The following PPP1R15B variants were observed in gnomAD, a reference collection of about 807,000 sequenced individuals.
PPP1R15B encodes protein phosphatase 1 regulatory subunit 15B, also known as protein phosphatase 1, regulatory (inhibitor) subunit 15B.
PPP1R15B carries 31 observed loss-of-function variants against 53.9 expected under a neutral mutation model. The ratio of observed to expected loss-of-function variants is 0.58; its 90% CI spans 0.43 to 0.78. The LOEUF is 0.78. Ranked by LOEUF, PPP1R15B falls within the 30% of genes least tolerant of loss-of-function variation. PPP1R15B has a pLI of 0.00. For missense variants in PPP1R15B, 928 were observed against 849.6 expected, an observed-to-expected ratio of 1.09 and a Z score of -1.15; for synonymous variants, 345 against 329.1, an observed-to-expected ratio of 1.05 and a Z score of -0.52.
At position 204,406,153 on chromosome 1, in the gene PPP1R15B, C is replaced by G; in HGVS notation, c.2081G>C (p.Arg694Thr). 3 of 1,614,148 alleles carry G rather than the reference C, an allele frequency of 1.9e-6. No homozygotes were observed. The South Asian group carries it at 3.3e-5, about 18-fold the overall frequency. Residue 694 changes from arginine (R) to threonine (T), a missense_variant, in exon 2 of 2, where the codon AGA becomes ACA. Coordinates refer to ENST00000367188, the MANE Select transcript of PPP1R15B (RefSeq NM_032833.5). ...GYCLTFEHRE[R>T]MFNRLQGTCF... Reference sequence around the variant, plus strand: ...TGTTCCCTGGAGTCTATTAAACATTCTTTCTCTGTGTTCAAATGTCAAGCA... The same window carrying G: ...TGTTCCCTGGAGTCTATTAAACATTGTTTCTCTGTGTTCAAATGTCAAGCA...
chr1:204,403,934 C>A lies in PPP1R15B; in HGVS notation c.*2158G>T. 1 of 985,358 alleles carries A rather than the reference C, an allele frequency of 1.0e-6. No individual in the cohort carries two copies. Among genetic ancestry groups the A allele is most frequent in the South Asian group, 4.7e-5 (1 of 21,286 alleles). 61.0% of individuals were successfully genotyped at this position (985,358 alleles called of 1,614,324 possible). On this transcript the variant is annotated 3_prime_UTR_variant, in exon 2 of 2. Transcript: ENST00000367188. Reference sequence around the variant, plus strand: ...CTCATTTGGTAGTGAGGTTAGAATCCCATGGGGAACAATTTTCCAAAATCC... The same window carrying A: ...CTCATTTGGTAGTGAGGTTAGAATCACATGGGGAACAATTTTCCAAAATCC...
chr1:204,403,721 TCC>T lies in PPP1R15B; in HGVS notation c.*2369_*2370del. The T allele has an allele frequency of 1.0e-6, 1 of 985,050 alleles. No individual in the cohort carries two copies. The highest frequency in any genetic ancestry group is 1.2e-6 in the Non-Finnish European group (1 of 829,166). The allele number at this position is 985,050 out of a possible 1,614,324, so 61.0% of individuals were successfully genotyped here. A position where few individuals can be genotyped will look rare whatever the true frequency, so the allele number is the denominator to read the frequency against. On this transcript the variant is annotated 3_prime_UTR_variant, in exon 2 of 2. Coordinates refer to ENST00000367188, the MANE Select transcript of PPP1R15B (RefSeq NM_032833.5). ...ATGTATAAAATGTTTAATTAAAACC[TCC>T]AAAGATTTTCTCTTTAAGATTACGG...
chr1:204,400,483 TTTC>T (rs1339640023), downstream of PPP1R15B, among the ~76,000 whole-genome samples: 3 of 93,350 alleles, frequency 3.2e-5, no homozygotes, highest in Non-Finnish European at 6.3e-5. Flanking sequence ...CTAATTTCTT[TTTC>T]TTTTTTTTTT....
rs368649349 is a variant in PPP1R15B, at chr1:204,410,352, G to C, written c.1060C>G (p.Pro354Ala). 5 of 1,614,032 alleles carry C rather than the reference G, an allele frequency of 3.1e-6. No homozygotes were observed. The African/African-American group carries it at 5.3e-5, about 17-fold the overall frequency. Residue 354 changes from proline (P) to alanine (A), a missense_variant, in exon 1 of 2, where the codon CCT becomes GCT. Transcript: ENST00000367188. The stretch of plus-strand genomic sequence containing the variant: ...TCAGTGGATTCCTGGGTGTTTCCAG[G>C]AATGTCTCCAGCAGCAGGAACAAAC... Reference protein sequence around the residue: ...TQFVPAAGDIPGNTQESTEEK... With the variant: ...TQFVPAAGDIAGNTQESTEEK...
chr1:204,404,947 T>C lies in PPP1R15B; in HGVS notation c.*1145A>G, dbSNP rs569405413. 5.9e-5 allele frequency: 58 copies of C among 985,610 alleles called. No individual in the cohort carries two copies. In the African/African-American group the frequency reaches 9.6e-4, roughly 16 times the overall value. 61.1% of individuals were successfully genotyped at this position (985,610 alleles called of 1,614,324 possible). A position where few individuals can be genotyped will look rare whatever the true frequency, so the allele number is the denominator to read the frequency against. ...GTCATTAATCTATACTTCTATCCTT[T>C]CCTGAAAGTAAAGGCCTTGCCATTA... On this transcript the variant is annotated 3_prime_UTR_variant, in exon 2 of 2. Transcript: ENST00000367188.
chr1:204,408,610 CAAT>C (rs1674306231), intron 1 of PPP1R15B, among the ~76,000 whole-genome samples: 1 of 152,154 alleles, frequency 6.6e-6, no homozygotes, highest in Admixed American at 6.5e-5. Flanking sequence ...GTTCCCTCTA[CAAT>C]AATAGACACC....
chr1:204,411,525 C>A lies in PPP1R15B; in HGVS notation c.-114G>T, dbSNP rs1674379834. ...GCCTTGCCCAGCGGTGGCGTCGCTG[C>A]TCCAGGCCGATCTTCGAGCCAGCAG... On this transcript the variant is annotated 5_prime_UTR_variant, in exon 1 of 2. Coordinates refer to ENST00000367188, the MANE Select transcript of PPP1R15B (RefSeq NM_032833.5). 4.3e-6 allele frequency: 6 copies of A among 1,384,426 alleles called. No individual in the cohort carries two copies. The Admixed American group carries it at 9.0e-5, about 21-fold the overall frequency. 85.8% of individuals were successfully genotyped at this position (1,384,426 alleles called of 1,614,324 possible).
At chr1:204,401,465 C>G (rs1258959867), downstream of PPP1R15B, among the ~76,000 whole-genome samples, 1 of 152,148 alleles carries the variant, frequency 6.6e-6, no homozygotes, top group Non-Finnish European at 1.5e-5. Flanking sequence ...CCTCTTTTTA[C>G]AGATAAAAGG....
Position 204,411,407 on chromosome 1 carries a change from T to TC in PPP1R15B, c.4dup (p.Glu2GlyfsTer34). The stretch of plus-strand genomic sequence containing the variant: ...TTTCCGCGATCCGCCTGTCCCCGGC[T>TC]CCATCTCCTTTTTCTTGACAGTCTC... On this transcript the variant is annotated frameshift_variant, in exon 1 of 2. Coordinates refer to ENST00000367188, the MANE Select transcript of PPP1R15B (RefSeq NM_032833.5). LOFTEE classifies it high-confidence loss of function. 6.2e-7 allele frequency: 1 copy of TC among 1,611,252 alleles called. No individual in the cohort carries two copies. Among genetic ancestry groups the TC allele is most frequent in the Non-Finnish European group, 8.5e-7 (1 of 1,179,586 alleles).
At chr1:204,402,568 G>A (rs1674195642), downstream of PPP1R15B, among the ~76,000 whole-genome samples, 1 of 151,820 alleles carries the variant, frequency 6.6e-6, no homozygotes, top group African/African-American at 2.4e-5. Context: ...CCACAGGTGT[G>A]CGCCACCATG....
intron 1 of PPP1R15B, among the ~76,000 whole-genome samples, chr1:204,408,547 A>C (rs1674304691): frequency 6.6e-6 from 1 of 152,210 alleles, no homozygotes. Context: ...GGTCAATAAT[A>C]ACTCACCCAC....
downstream of PPP1R15B, among the ~76,000 whole-genome samples, chr1:204,397,780 C>T (rs1372310515): frequency 2.6e-5 from 4 of 151,916 alleles, no homozygotes; most frequent in Non-Finnish European, 5.9e-5. Context: ...CCTTTCATAA[C>T]GATGACAATG....
chr1:204,408,599 C>A (rs1441281820), intron 1 of PPP1R15B, among the ~76,000 whole-genome samples: 1 of 152,168 alleles, frequency 6.6e-6, no homozygotes, highest in East Asian at 1.9e-4. Flanking sequence ...ACTAAAAAAA[C>A]GTTCCCTCTA....
At chr1:204,398,611 G>A (rs1674126577), downstream of PPP1R15B, among the ~76,000 whole-genome samples, 1 of 152,200 alleles carries the variant, frequency 6.6e-6, no homozygotes. Flanking sequence ...GGAATGGGCA[G>A]GGCAGGGCAG....
Position 204,410,080 on chromosome 1 carries a change from T to C in PPP1R15B, c.1332A>G (p.Glu444=). The change falls in exon 1 of 2, where the codon GAA becomes GAG. Residue 444 remains glutamate (E), a synonymous_variant. Transcript: ENST00000367188. ...SSDLETSSDP[E]GEDWDEEAED... is the part of the protein sequence containing the mutation. Reference sequence around the variant, plus strand: ...CAGCTTCCTCATCCCAATCCTCACCTTCTGGATCAGAACTTGTTTCCAGGT... The same window carrying C: ...CAGCTTCCTCATCCCAATCCTCACCCTCTGGATCAGAACTTGTTTCCAGGT... 1 of 1,614,234 alleles carries C rather than the reference T, an allele frequency of 6.2e-7. No individual in the cohort carries two copies. Among genetic ancestry groups the C allele is most frequent in the Non-Finnish European group, 8.5e-7 (1 of 1,180,040 alleles).
downstream of PPP1R15B, among the ~76,000 whole-genome samples, chr1:204,398,948 C>T (rs894339972): frequency 6.6e-6 from 1 of 152,154 alleles, no homozygotes; most frequent in African/African-American, 2.4e-5. Flanking sequence ...TGTGGTATAC[C>T]TAGCCAAATT....
chr1:204,397,938 A>T (rs1572249207), downstream of PPP1R15B, among the ~76,000 whole-genome samples: 1 of 152,224 alleles, frequency 6.6e-6, no homozygotes, highest in East Asian at 1.9e-4. Flanking sequence ...AAATAATGTA[A>T]ACATTGAAGA....
downstream of PPP1R15B, chr1:204,403,324 CA>C (rs1432671218): frequency 3.6e-6 from 2 of 555,344 alleles, no homozygotes; most frequent in Non-Finnish European, 4.6e-6. Context: ...TTAGTAATTC[CA>C]AAACCATTGT....
chr1:204,399,983 T>C (rs1674149445), downstream of PPP1R15B, among the ~76,000 whole-genome samples: 2 of 151,998 alleles, frequency 1.3e-5, no homozygotes, highest in Non-Finnish European at 2.9e-5. Flanking sequence ...TGACGACTCA[T>C]GCCTGTAATC....
Sources: gnomAD v4.1 joint callset for allele counts (sites outside exome capture counted in the v4.1 genomes callset) on GRCh38, gnomAD v4.1.1 for gene constraint, MANE v1.5 for transcripts, NCBI Gene and HGNC (gene_info 2026-07-23, HGNC 2026-07-21) for gene names.